RPS18: variants seen among roughly 807,000 people sequenced by gnomAD.
The protein encoded by RPS18 is ribosomal protein S18.
For synonymous variants in RPS18, 64 were observed against 70.9 expected (o/e 0.90, Z 0.49); for missense variants, 49 against 200.8 (o/e 0.24, Z 4.57).
intron 1 of RPS18, 92 bp from the exon 2 acceptor site, chr6:33,272,536 T>TAA: frequency 1.3e-6 from 1 of 774,102 alleles, no homozygotes; most frequent in Admixed American, 1.7e-5. Context: ...GTGACAGGCT[T>TAA]AACCTTTTTG....
chr6:33,272,540 C>G (rs750333016), intron 1 of RPS18, 88 bp from the exon 2 acceptor site: 9 of 778,530 alleles, frequency 1.2e-5, no homozygotes, highest in Non-Finnish European at 1.9e-5. Context: ...CAGGCTTAAC[C>G]TTTTTGTATG....
chr6:33,272,343 C>T, intron 1 of RPS18: 1 of 617,580 alleles, frequency 1.6e-6, no homozygotes, highest in Non-Finnish European at 2.9e-6. Flanking sequence ...AAGGCTTGGG[C>T]GTATATGGGG....
chr6:33,276,196 C>T lies in RPS18; in HGVS notation c.312C>T (p.Asp104=), dbSNP rs1479175491. 2 of 1,614,092 alleles carry T rather than the reference C, an allele frequency of 1.2e-6. No individual in the cohort carries two copies. The highest frequency in any genetic ancestry group is 3.3e-5 in the Admixed American group (2 of 60,008). Residue 104 remains aspartate (D), a synonymous_variant, in exon 5 of 6, where the codon GAC becomes GAT. Coordinates refer to ENST00000439602, the MANE Select transcript of RPS18 (RefSeq NM_022551.3). ...TCCAGGTCCTAGCCAATGGTCTGGA[C>T]AACAAGCTCCGTGAAGACCTGGAGC... ...KYSQVLANGL[D]NKLREDLERL...
In RPS18 at chr6:33,272,804, C is replaced by T. The variant is rs75783624; in HGVS notation, c.102+78C>T. The T allele has an allele frequency of 0.027, 21,480 of 797,942 alleles. 513 individuals carry two copies. The highest frequency in any genetic ancestry group is 0.087 in the African/African-American group (5,189 of 59,548). 49.4% of individuals were successfully genotyped at this position (797,942 alleles called of 1,614,324 possible). A position where few individuals can be genotyped will look rare whatever the true frequency, so the allele number is the denominator to read the frequency against. On this transcript the variant is annotated intron_variant, in intron 2 of 5. Transcript: ENST00000439602. The stretch of plus-strand genomic sequence containing the variant: ...AGACATAAGCAAAAATGAAGCAAGG[C>T]TGGGGAGACTTGAGTCTCATCCAGA...
intron 2 of RPS18, 90 bp downstream of exon 2, chr6:33,272,816 G>C (rs893470114): frequency 9.1e-6 from 7 of 773,468 alleles, no homozygotes; most frequent in African/African-American, 1.7e-5. Context: ...GGGGAGACTT[G>C]AGTCTCATCC....
intron 1 of RPS18, 28 bp downstream of exon 1, chr6:33,272,150 A>G (rs1241220827): frequency 1.2e-5 from 18 of 1,557,844 alleles, no homozygotes; most frequent in East Asian, 2.4e-5. Flanking sequence ...GCCGTGATCC[A>G]GCGGCATCGC....
chr6:33,275,677 C>G (rs72654479), intron 2 of RPS18, 120 bp from the exon 3 acceptor site: 8,322 of 760,112 alleles, frequency 0.011, 92 homozygotes, highest in Middle Eastern at 0.035. Flanking sequence ...GAAAGGGTGA[C>G]CTAGGGGATT....
intron 5 of RPS18, 28 bp from the exon 6 acceptor site, chr6:33,276,363 C>G (rs747091157): frequency 1.9e-6 from 3 of 1,612,112 alleles, no homozygotes; most frequent in Non-Finnish European, 2.5e-6. Flanking sequence ...CTGTGCATGA[C>G]CTGTGACTCT....
intron 2 of RPS18, among the ~76,000 whole-genome samples, chr6:33,274,491 T>C (rs568748560): frequency 6.6e-6 from 1 of 152,344 alleles, no homozygotes; most frequent in African/African-American, 2.4e-5. Context: ...CAACCCTTGA[T>C]CTCTTTCTTG....
At chr6:33,272,989 C>A (rs565578138) in intron 2 of RPS18, among the ~76,000 whole-genome samples, 1 of 152,280 alleles carries the variant, frequency 6.6e-6, no homozygotes, top group Admixed American at 6.5e-5. Flanking sequence ...GGTTGCTCAC[C>A]CGAATTCGCT....
chr6:33,272,751 G>T, intron 2 of RPS18, 25 bp downstream of exon 2: 1 of 1,131,170 alleles, frequency 8.8e-7, no homozygotes, highest in Non-Finnish European at 1.4e-6. Context: ...GTAAGGAATA[G>T]GGAATGTAAA....
rs1765630466 is a variant in RPS18, at chr6:33,276,480, G to C, written c.*14G>C. ...AAGAAGAAATAAGTCTGTAGGCCTT[G>C]TCTGTTAATAAATAGTTTATATACC... On this transcript the variant is annotated 3_prime_UTR_variant, in exon 6 of 6. Transcript: ENST00000439602. 1.3e-6 allele frequency: 2 copies of C among 1,577,030 alleles called. No homozygotes were observed. Among genetic ancestry groups the C allele is most frequent in the South Asian group, 1.1e-5 (1 of 89,266 alleles).
At chr6:33,276,094 G>A (rs530411271) in intron 4 of RPS18, 28 bp downstream of exon 4, 4 of 1,607,860 alleles carry the variant, frequency 2.5e-6, no homozygotes, top group Non-Finnish European at 3.4e-6. Flanking sequence ...GGCAGGATTA[G>A]AGGAAGGGTG....
intron 2 of RPS18, among the ~76,000 whole-genome samples, chr6:33,275,071 G>A (rs1289960101): frequency 6.6e-6 from 1 of 152,090 alleles, no homozygotes; most frequent in Non-Finnish European, 1.5e-5. Context: ...AAATAATTGT[G>A]ACCCTTAGAG....
Position 33,274,681 on chromosome 6 carries a change from A to G in RPS18, c.103-1116A>G, listed in dbSNP as rs1765509555. 4.6e-5 allele frequency among the ~76,000 whole-genome samples: 7 copies of G among 152,172 alleles called. No individual in the cohort carries two copies. In the South Asian group the frequency reaches 1.5e-3, roughly 32 times the overall value. ...CTTGGCTTGTAGCTGCATTACTCCAATCTGTTGCTGTCATCTCATGGTCCT... is the reference window on the plus strand; with the variant it reads ...CTTGGCTTGTAGCTGCATTACTCCAGTCTGTTGCTGTCATCTCATGGTCCT... On this transcript the variant is annotated intron_variant, in intron 2 of 5. Coordinates refer to ENST00000439602, the MANE Select transcript of RPS18 (RefSeq NM_022551.3).
At chr6:33,273,884 C>T (rs1207875292) in intron 2 of RPS18, among the ~76,000 whole-genome samples, 1 of 113,582 alleles carries the variant, frequency 8.8e-6, no homozygotes, top group East Asian at 2.9e-4. Flanking sequence ...CATGGTGAAA[C>T]CTCGTCATTT....
At chr6:33,275,925 A>G in intron 3 of RPS18, 40 bp from the exon 4 acceptor site, 1 of 1,608,212 alleles carries the variant, frequency 6.2e-7, no homozygotes. Flanking sequence ...TCAGCCTCAG[A>G]AAGGGGTCCA....
intron 3 of RPS18, 38 bp from the exon 4 acceptor site, chr6:33,275,927 A>T: frequency 6.2e-7 from 1 of 1,606,660 alleles, no homozygotes; most frequent in Non-Finnish European, 8.5e-7. Flanking sequence ...AGCCTCAGAA[A>T]GGGGTCCATC....
At chr6:33,273,234 A>G (rs1225616079) in intron 2 of RPS18, among the ~76,000 whole-genome samples, 2 of 152,214 alleles carry the variant, frequency 1.3e-5, no homozygotes, top group African/African-American at 4.8e-5. Context: ...GCCATAATTG[A>G]CACTCCTTTC....
Sources: gnomAD v4.1 joint callset for allele counts (sites outside exome capture counted in the v4.1 genomes callset) on GRCh38, gnomAD v4.1.1 for gene constraint, MANE v1.5 for transcripts, NCBI Gene and HGNC (gene_info 2026-07-23, HGNC 2026-07-21) for gene names.